Variants in PLSCR2 observed in about 807,000 individuals in gnomAD.
The protein encoded by PLSCR2 is PL scramblase 2.
In PLSCR2, 18 loss-of-function variants were observed where a neutral mutation model predicts 25.3. That is an observed-to-expected ratio of 0.71 (90% CI 0.49 to 1.06). The LOEUF (loss-of-function observed/expected upper bound fraction) is 1.06, where lower values mean the gene tolerates loss of function less well. Among genes scored for constraint, PLSCR2 ranks in the 50% least tolerant of loss-of-function variants. The pLI is 0.00. For synonymous variants in PLSCR2, 88 were observed against 87.3 expected (o/e 1.01, Z -0.04); for missense variants, 243 against 269.5 (o/e 0.90, Z 0.69).
At chr3:146,395,099 C>T (rs934091324) in intron 3 of PLSCR2, among the ~76,000 whole-genome samples, 6 of 151,902 alleles carry the variant, frequency 3.9e-5, no homozygotes, top group Admixed American at 1.3e-4. Context: ...TATAGCAGTG[C>T]AAAAATGAAC....
At chr3:146,419,321 A>G (rs1037111630) in intron 2 of PLSCR2, among the ~76,000 whole-genome samples, 2 of 152,134 alleles carry the variant, frequency 1.3e-5, no homozygotes, top group African/African-American at 4.8e-5. Context: ...GAGCTCTCAC[A>G]TACAGTACTG....
chr3:146,456,601 A>C (rs1159575611), intron 3 of PLSCR2, among the ~76,000 whole-genome samples: 1 of 152,202 alleles, frequency 6.6e-6, no homozygotes, highest in Non-Finnish European at 1.5e-5. Flanking sequence ...AAAATCTTGA[A>C]GTTTCCTTCA....
intron 1 of PLSCR2, among the ~76,000 whole-genome samples, chr3:146,489,391 G>A (rs917605652): frequency 6.6e-6 from 1 of 152,128 alleles, no homozygotes; most frequent in Non-Finnish European, 1.5e-5. Flanking sequence ...TGAGCTCAGA[G>A]TTAGGTCAAA....
downstream of PLSCR2, among the ~76,000 whole-genome samples, chr3:146,429,644 G>T (rs1268393804): frequency 1.3e-5 from 2 of 148,642 alleles, no homozygotes; most frequent in Non-Finnish European, 3.0e-5. Context: ...TTTTTTTTTT[G>T]AGATGGAGTC....
intron 3 of PLSCR2, among the ~76,000 whole-genome samples, chr3:146,455,682 A>G (rs1050104599): frequency 3.3e-5 from 5 of 152,182 alleles, no homozygotes; most frequent in Admixed American, 6.5e-5. Context: ...TATGGAAAAC[A>G]AAGCAGGTCA....
intron 1 of PLSCR2, among the ~76,000 whole-genome samples, chr3:146,477,960 C>G (rs1467848811): frequency 6.6e-6 from 1 of 152,202 alleles, no homozygotes; most frequent in Non-Finnish European, 1.5e-5. Flanking sequence ...AATACCCAGG[C>G]AAACAGCGTC....
chr3:146,446,243 G>C (rs2040548020), intron 6 of PLSCR2, among the ~76,000 whole-genome samples: 1 of 152,102 alleles, frequency 6.6e-6, no homozygotes, highest in Admixed American at 6.5e-5. Flanking sequence ...TGAAGAGTTA[G>C]GTGTTTATTG....
intron 3 of PLSCR2, among the ~76,000 whole-genome samples, chr3:146,393,886 C>G (rs560616625): frequency 6.7e-6 from 1 of 150,346 alleles, no homozygotes; most frequent in South Asian, 2.1e-4. Context: ...AATAACTTTA[C>G]TAATGTTCTG....
At chr3:146,488,627 C>A (rs1375113551) in intron 1 of PLSCR2, among the ~76,000 whole-genome samples, 1 of 152,004 alleles carries the variant, frequency 6.6e-6, no homozygotes, top group African/African-American at 2.4e-5. Context: ...CAATGAGATA[C>A]CATCTCATGC....
At chr3:146,485,948 G>A (rs2043325118) in intron 1 of PLSCR2, among the ~76,000 whole-genome samples, 1 of 152,026 alleles carries the variant, frequency 6.6e-6, no homozygotes, top group Admixed American at 6.6e-5. Flanking sequence ...ACTATCATGA[G>A]AACAGCATGG....
At chr3:146,434,231 T>C (rs954570647) in intron 8 of PLSCR2, among the ~76,000 whole-genome samples, 17 of 152,144 alleles carry the variant, frequency 1.1e-4, no homozygotes, top group Non-Finnish European at 1.6e-4. Context: ...TAATAATATA[T>C]ACCTGAATGG....
intron 5 of PLSCR2, among the ~76,000 whole-genome samples, chr3:146,451,621 G>A (rs139308167): frequency 1.5e-4 from 23 of 152,248 alleles, no homozygotes; most frequent in African/African-American, 5.3e-4. Context: ...GTGCCTGATA[G>A]CTTCAGTATC....
intron 1 of PLSCR2, among the ~76,000 whole-genome samples, chr3:146,493,668 G>T (rs2043634052): frequency 6.6e-6 from 1 of 151,804 alleles, no homozygotes; most frequent in South Asian, 2.1e-4. Flanking sequence ...AACAAAAAAA[G>T]GTAAGCATGT....
chr3:146,403,423 A>G (rs112539069), intron 2 of PLSCR2, among the ~76,000 whole-genome samples: 1 of 152,304 alleles, frequency 6.6e-6, no homozygotes, highest in African/African-American at 2.4e-5. Context: ...TCTGTAATGG[A>G]GCTTGAGAAC....
intron 3 of PLSCR2, among the ~76,000 whole-genome samples, chr3:146,393,581 C>T (rs530237262): frequency 5.3e-5 from 8 of 151,628 alleles, no homozygotes; most frequent in East Asian, 2.0e-4. Context: ...GAGGCCGAGG[C>T]GGGCAGATCA....
chr3:146,457,155 T>C (rs757436692), intron 3 of PLSCR2, among the ~76,000 whole-genome samples: 7 of 152,214 alleles, frequency 4.6e-5, no homozygotes, highest in Admixed American at 6.5e-5. Context: ...CAATTGTATA[T>C]GTTAATGAAA....
chr3:146,433,830 T>C (rs903994311), intron 8 of PLSCR2, among the ~76,000 whole-genome samples: 4 of 152,194 alleles, frequency 2.6e-5, no homozygotes, highest in Non-Finnish European at 5.9e-5. Context: ...GCTATACCAA[T>C]GTTCTCATCC....
intron 2 of PLSCR2, among the ~76,000 whole-genome samples, chr3:146,418,556 A>G (rs1285975198): frequency 6.6e-6 from 1 of 152,168 alleles, no homozygotes; most frequent in East Asian, 1.9e-4. Context: ...AAAAGGAATC[A>G]TTAATCCAAA....
intron 2 of PLSCR2, among the ~76,000 whole-genome samples, chr3:146,427,400 G>A (rs1477702981): frequency 6.6e-6 from 1 of 152,174 alleles, no homozygotes; most frequent in Non-Finnish European, 1.5e-5. Flanking sequence ...GATCTTTCAG[G>A]AATGGTTGGA....
Sources: allele counts gnomAD v4.1 joint callset (sites outside exome capture counted in the v4.1 genomes callset), GRCh38; gene constraint gnomAD v4.1.1; transcripts MANE v1.5; gene names NCBI Gene and HGNC (gene_info 2026-07-23, HGNC 2026-07-21).